Variants in FER1L6 observed in about 807,000 individuals in gnomAD.
FER1L6 encodes the protein fer-1-like protein 6.
FER1L6 carries 177 observed loss-of-function variants against 219.2 expected under a neutral mutation model. The observed-to-expected ratio is 0.81, with a 90% CI of 0.71 to 0.91. FER1L6 has a LOEUF of 0.91. Ranked by LOEUF, FER1L6 falls within the 40% of genes least tolerant of loss-of-function variation. The pLI is 0.00. For missense variants in FER1L6, 2,153 were observed against 2,259.9 expected, an observed-to-expected ratio of 0.95 and a Z score of 0.96; for synonymous variants, 768 against 824.3, an observed-to-expected ratio of 0.93 and a Z score of 1.17.
At chr8:124,013,558 C>A in intron 15 of FER1L6, 27 bp downstream of exon 15, 1 of 1,490,026 alleles carries the variant, frequency 6.7e-7, no homozygotes, top group Non-Finnish European at 9.1e-7. Context: ...CCGGCATAGG[C>A]GGAGCTGAGC....
Position 124,060,699 on chromosome 8 carries a change from C to T in FER1L6, c.3137C>T (p.Ala1046Val). 6.8e-6 allele frequency: 11 copies of T among 1,613,788 alleles called. No individual in the cohort carries two copies. The highest frequency in any genetic ancestry group is 9.3e-6 in the Non-Finnish European group (11 of 1,179,712). The part of the protein sequence containing the change: ...NNPNFSIQAD[A>V]FEVELPENEL... ...CCGAACTTCAGCATCCAGGCAGACG[C>T]TTTCGAAGTGGTGCGAGCTTCTCAC... Residue 1046 changes from alanine (A) to valine (V), a missense_variant, in exon 24 of 41, where the codon GCT (alanine) becomes GTT (valine). Coordinates refer to ENST00000522917, the MANE Select transcript of FER1L6 (RefSeq NM_001039112.2).
At chr8:124,105,952 G>T (rs1308374602) in intron 39 of FER1L6, among the ~76,000 whole-genome samples, 2 of 152,142 alleles carry the variant, frequency 1.3e-5, no homozygotes. Context: ...CTCAGAATAG[G>T]CAAATCCATA....
rs1816688306 is a variant in FER1L6 at position 123,858,517 on chromosome 8, T to C, written c.-8+6332T>C. On this transcript the variant is annotated intron_variant, in intron 1 of 40. Transcript: ENST00000522917. Reference sequence around the variant, plus strand: ...TAGTGGAATGAGGTTGGGTCCTGGATTGATGGGGACTGTGCCATCTTCAAC... The same window carrying C: ...TAGTGGAATGAGGTTGGGTCCTGGACTGATGGGGACTGTGCCATCTTCAAC... Among the ~76,000 whole-genome samples the C allele has an allele frequency of 2.6e-5, 4 of 152,164 alleles. No homozygotes were observed. The South Asian group carries it at 8.3e-4, about 32-fold the overall frequency.
At chr8:123,943,266 T>G (rs545428664) in intron 1 of FER1L6, among the ~76,000 whole-genome samples, 2 of 152,212 alleles carry the variant, frequency 1.3e-5, no homozygotes, top group African/African-American at 4.8e-5. Context: ...TATGTCTGGA[T>G]AGTGGCTGGA....
At chr8:124,079,164 C>G (rs773052739) in intron 32 of FER1L6, among the ~76,000 whole-genome samples, 4 of 152,178 alleles carry the variant, frequency 2.6e-5, no homozygotes, top group Non-Finnish European at 4.4e-5. Flanking sequence ...TTCCTCTTTA[C>G]AAAGACACCA....
chr8:124,070,676 A>G, intron 30 of FER1L6, 78 bp downstream of exon 30: 1 of 1,315,418 alleles, frequency 7.6e-7, no homozygotes, highest in Non-Finnish European at 1.0e-6. Context: ...TGTTAATGGA[A>G]TTGTGGTGTG....
rs145753964 is a variant in FER1L6 at position 123,991,908 on chromosome 8, T to A, written c.1519+5732T>A. On this transcript the variant is annotated intron_variant, in intron 12 of 40. Transcript: ENST00000522917. Reference sequence around the variant, plus strand: ...ACTTTTTTGAGGGTTTTTTTTTAAATCATAAAATGATGCTGTATTTTATTG... The same window carrying A: ...ACTTTTTTGAGGGTTTTTTTTTAAAACATAAAATGATGCTGTATTTTATTG... 9.2e-3 allele frequency among the ~76,000 whole-genome samples: 1,408 copies of A among 152,244 alleles called. 23 individuals are homozygous for A. The highest frequency in any genetic ancestry group is 0.032 in the African/African-American group (1,329 of 41,554).
At chr8:124,010,532 G>T in intron 13 of FER1L6, 62 bp from the exon 14 acceptor site, 1 of 1,595,940 alleles carries the variant, frequency 6.3e-7, no homozygotes, top group South Asian at 1.1e-5. Context: ...ATTAACGTGT[G>T]ACTGGGGTTG....
chr8:124,070,993 T>A (rs1371554751), intron 30 of FER1L6, among the ~76,000 whole-genome samples: 1 of 152,220 alleles, frequency 6.6e-6, no homozygotes, highest in African/African-American at 2.4e-5. Context: ...GTAGCCAGCA[T>A]TCACTATAAA....
At chr8:124,011,226 T>C (rs1817906094) in intron 14 of FER1L6, among the ~76,000 whole-genome samples, 1 of 152,168 alleles carries the variant, frequency 6.6e-6, no homozygotes. Context: ...CCACCATGCC[T>C]TTTCCTCTGT....
chr8:124,062,424 C>T (rs1820627568), intron 25 of FER1L6, among the ~76,000 whole-genome samples: 1 of 152,164 alleles, frequency 6.6e-6, no homozygotes, highest in African/African-American at 2.4e-5. Flanking sequence ...CTCATTCTAT[C>T]CACTGTCCTC....
chr8:123,941,943 A>C (rs1437895786), intron 1 of FER1L6, among the ~76,000 whole-genome samples: 2 of 152,088 alleles, frequency 1.3e-5, no homozygotes, highest in Non-Finnish European at 2.9e-5. Context: ...CAGTGGTAAC[A>C]TGTGAGGTTG....
intron 39 of FER1L6, among the ~76,000 whole-genome samples, chr8:124,103,533 G>A (rs1027808239): frequency 6.6e-6 from 1 of 152,084 alleles, no homozygotes; most frequent in Non-Finnish European, 1.5e-5. Context: ...GAACTTATGC[G>A]CCTGGCATTA....
intron 1 of FER1L6, among the ~76,000 whole-genome samples, chr8:123,882,752 C>T (rs772130172): frequency 1.2e-4 from 18 of 152,076 alleles, no homozygotes; most frequent in Non-Finnish European, 2.4e-4. Context: ...GAATAGAGTA[C>T]GGAGGATTTT....
At chr8:123,963,500 T>A in intron 3 of FER1L6, 102 bp downstream of exon 3, 1 of 1,384,758 alleles carries the variant, frequency 7.2e-7, no homozygotes, top group Non-Finnish European at 1.0e-6. Context: ...TAAGACATAG[T>A]CACTGTCTAC....
rs1265944806 is a variant in FER1L6, at chr8:124,119,736, T to G, written c.5520T>G (p.Leu1840=). The G allele has an allele frequency of 6.2e-7, 1 of 1,613,736 alleles. No homozygotes were observed. Among genetic ancestry groups the G allele is most frequent in the East Asian group, 2.2e-5 (1 of 44,876 alleles). Reference sequence around the variant, plus strand: ...TCATCCTCATCATCTTCCTCGTCCTTTTCATCTACACCTTGCCAGGAGCCA... The same window carrying G: ...TCATCCTCATCATCTTCCTCGTCCTGTTCATCTACACCTTGCCAGGAGCCA... ...ILIILIIFLV[L]FIYTLPGAIS... The change falls in exon 41 of 41, where the codon CTT becomes CTG. Residue 1840 remains leucine, a synonymous_variant. Transcript: ENST00000522917.
chr8:123,999,406 A>G (rs926451798), intron 12 of FER1L6, among the ~76,000 whole-genome samples: 3 of 152,118 alleles, frequency 2.0e-5, no homozygotes, highest in Non-Finnish European at 2.9e-5. Flanking sequence ...AGCACTTTGG[A>G]AGGCCAAGCC....
intron 28 of FER1L6, among the ~76,000 whole-genome samples, chr8:124,068,900 T>C (rs1820941039): frequency 6.6e-6 from 1 of 152,076 alleles, no homozygotes; most frequent in African/African-American, 2.4e-5. Flanking sequence ...AAAGTTACTA[T>C]TTCTTTTTAA....
At chr8:124,071,710 G>T in intron 31 of FER1L6, 79 bp downstream of exon 31, 1 of 1,489,064 alleles carries the variant, frequency 6.7e-7, no homozygotes, top group South Asian at 1.3e-5. Context: ...CAGACTGGGA[G>T]GCTTAAACAA....
Sources: gnomAD v4.1 joint callset for allele counts (sites outside exome capture counted in the v4.1 genomes callset) on GRCh38, gnomAD v4.1.1 for gene constraint, MANE v1.5 for transcripts, NCBI Gene and HGNC (gene_info 2026-07-23, HGNC 2026-07-21) for gene names.